Variants in ZNF804B observed in about 807,000 individuals in gnomAD.
The protein encoded by ZNF804B is zinc finger 804B.
In ZNF804B, 80 loss-of-function variants were observed where a neutral mutation model predicts 101.4. That is an observed-to-expected ratio of 0.79 (90% CI 0.66 to 0.95). ZNF804B has a LOEUF of 0.95. Ranked by LOEUF, ZNF804B falls within the 40% of genes least tolerant of loss-of-function variation. The pLI is 0.00. For synonymous variants in ZNF804B, 622 were observed against 558.8 expected (o/e 1.11, Z -1.59); for missense variants, 1,673 against 1,561.9 (o/e 1.07, Z -1.20).
chr7:88,829,873 A>G (rs1165365509), intron 1 of ZNF804B, among the ~76,000 whole-genome samples: 2 of 152,176 alleles, frequency 1.3e-5, no homozygotes, highest in African/African-American at 4.8e-5. Flanking sequence ...TGTTTGTAAT[A>G]GTATCATCAG....
chr7:88,791,581 T>C (rs1562794369), intron 1 of ZNF804B, among the ~76,000 whole-genome samples: 1 of 152,228 alleles, frequency 6.6e-6, no homozygotes, highest in East Asian at 1.9e-4. Flanking sequence ...AAAAGTATTA[T>C]AGACCCATAA....
chr7:89,243,126 C>T (rs1017488543), intron 2 of ZNF804B, among the ~76,000 whole-genome samples: 5 of 151,650 alleles, frequency 3.3e-5, no homozygotes, highest in Non-Finnish European at 7.4e-5. Context: ...ATCACTTGGT[C>T]TTCTATAAAA....
intron 1 of ZNF804B, among the ~76,000 whole-genome samples, chr7:88,874,766 C>T (rs1791898732): frequency 6.6e-6 from 1 of 151,942 alleles, no homozygotes; most frequent in South Asian, 2.1e-4. Context: ...AGAAAGTCAA[C>T]AAGGATACCC....
chr7:89,067,005 T>G (rs533348282), intron 1 of ZNF804B, among the ~76,000 whole-genome samples: 1 of 152,220 alleles, frequency 6.6e-6, no homozygotes, highest in African/African-American at 2.4e-5. Flanking sequence ...TACCTAAATA[T>G]CTAACTCTTT....
At chr7:89,020,193 C>T (rs1276357472) in intron 1 of ZNF804B, among the ~76,000 whole-genome samples, 1 of 152,040 alleles carries the variant, frequency 6.6e-6, no homozygotes, top group East Asian at 1.9e-4. Context: ...TATTTACTGT[C>T]TTTTTGCTTC....
chr7:88,924,471 G>A (rs1188228840), intron 1 of ZNF804B, among the ~76,000 whole-genome samples: 2 of 152,088 alleles, frequency 1.3e-5, no homozygotes, highest in Non-Finnish European at 2.9e-5. Context: ...TCAAGTGTGT[G>A]ACAAATATTT....
chr7:89,309,478 G>A (rs1463843550), intron 2 of ZNF804B, among the ~76,000 whole-genome samples: 1 of 151,946 alleles, frequency 6.6e-6, no homozygotes, highest in African/African-American at 2.4e-5. Context: ...GCAATATGCA[G>A]AGGCCAGGCA....
chr7:89,046,793 AT>A (rs200208824), intron 1 of ZNF804B, among the ~76,000 whole-genome samples: 97 of 150,788 alleles, frequency 6.4e-4, no homozygotes, highest in African/African-American at 8.7e-4. Flanking sequence ...ATTACTTATC[AT>A]TTTTTTTTAG....
chr7:88,887,420 C>T (rs1487828799), intron 1 of ZNF804B, among the ~76,000 whole-genome samples: 3 of 152,104 alleles, frequency 2.0e-5, no homozygotes, highest in Non-Finnish European at 4.4e-5. Flanking sequence ...ACATTTAAGT[C>T]TTTAATCCAT....
chr7:89,272,452 A>G (rs1028397970), intron 2 of ZNF804B, among the ~76,000 whole-genome samples: 1 of 152,146 alleles, frequency 6.6e-6, no homozygotes, highest in African/African-American at 2.4e-5. Context: ...AACTTGTTCC[A>G]TAAAACACAG....
intron 1 of ZNF804B, among the ~76,000 whole-genome samples, chr7:89,015,277 A>G (rs1788528980): frequency 6.7e-6 from 1 of 149,550 alleles, no homozygotes; most frequent in Non-Finnish European, 1.5e-5. Context: ...AAATCTGGTA[A>G]TGTGATGACT....
intron 1 of ZNF804B, among the ~76,000 whole-genome samples, chr7:88,913,772 C>T (rs1374213016): frequency 1.3e-5 from 2 of 152,094 alleles, no homozygotes; most frequent in Non-Finnish European, 2.9e-5. Context: ...AGTGTATATG[C>T]GGATGAAATA....
intron 1 of ZNF804B, among the ~76,000 whole-genome samples, chr7:88,830,350 A>T (rs1202827693): frequency 6.6e-6 from 1 of 152,094 alleles, no homozygotes; most frequent in Non-Finnish European, 1.5e-5. Flanking sequence ...AGCAAAAAAA[A>T]GAAATATCCA....
At chr7:88,790,680 A>G (rs763456874) in intron 1 of ZNF804B, among the ~76,000 whole-genome samples, 11 of 151,942 alleles carry the variant, frequency 7.2e-5, no homozygotes, top group Non-Finnish European at 1.3e-4. Context: ...CATTTTCTTT[A>G]TCCAGTCTAT....
chr7:88,933,007 G>A (rs549856137), intron 1 of ZNF804B, among the ~76,000 whole-genome samples: 1 of 151,512 alleles, frequency 6.6e-6, no homozygotes, highest in African/African-American at 2.4e-5. Flanking sequence ...AAAAATTACA[G>A]ACCAATATCC....
At chr7:88,854,410 T>TCTTCCTTCCTTTCTTTCTTC (rs1438172000) in intron 1 of ZNF804B, among the ~76,000 whole-genome samples, 1 of 132,646 alleles carries the variant, frequency 7.5e-6, no homozygotes, top group Non-Finnish European at 1.6e-5. Flanking sequence ...TTTCTTTCTT[T>TCTTCCTTCCTTTCTTTCTTC]CTTCCTTTCT....
intron 1 of ZNF804B, among the ~76,000 whole-genome samples, chr7:88,906,586 T>C (rs1792474165): frequency 6.6e-6 from 1 of 152,136 alleles, no homozygotes; most frequent in African/African-American, 2.4e-5. Context: ...TTTTGTATTA[T>C]GGTCTGAGGG....
intron 1 of ZNF804B, among the ~76,000 whole-genome samples, chr7:88,967,623 G>A (rs1261536979): frequency 6.6e-6 from 1 of 150,972 alleles, no homozygotes; most frequent in African/African-American, 2.4e-5. Flanking sequence ...AAACACCGTG[G>A]GGAGGCAGTC....
At chr7:88,892,645 A>G (rs186383700) in intron 1 of ZNF804B, among the ~76,000 whole-genome samples, 21 of 152,234 alleles carry the variant, frequency 1.4e-4, no homozygotes, top group Admixed American at 3.3e-4. Context: ...TCATTAATCA[A>G]TTCTGGAAAA....
Sources: allele counts gnomAD v4.1 joint callset (sites outside exome capture counted in the v4.1 genomes callset), GRCh38; gene constraint gnomAD v4.1.1; transcripts MANE v1.5; gene names NCBI Gene and HGNC (gene_info 2026-07-23, HGNC 2026-07-21).